Variants in DUSP29 observed in about 807,000 individuals in gnomAD.
DUSP29 encodes the protein dual specificity phosphatase 29.
Under a neutral mutation model 13.5 loss-of-function variants are expected in DUSP29, and 12 were observed. That is an observed-to-expected ratio of 0.89 (90% CI 0.57 to 1.44). The LOEUF is 1.44. Among genes scored for constraint, DUSP29 ranks in the 40% most tolerant of loss-of-function variants. The pLI, the probability that DUSP29 is intolerant of heterozygous loss-of-function variation, is 0.00. For missense variants in DUSP29, 308 were observed against 301.1 expected (o/e 1.02, Z -0.17); for synonymous variants, 134 against 128.7 (o/e 1.04, Z -0.28).
chr10:75,059,980 G>A (rs976689164), intron 1 of DUSP29, among the ~76,000 whole-genome samples: 1 of 151,204 alleles, frequency 6.6e-6, no homozygotes, highest in African/African-American at 2.4e-5. Flanking sequence ...CTAACATGGC[G>A]AAACCCCATC....
chr10:75,060,121 C>T (rs553645922), intron 1 of DUSP29, among the ~76,000 whole-genome samples: 2 of 151,874 alleles, frequency 1.3e-5, no homozygotes, highest in African/African-American at 4.8e-5. Context: ...GATCGCACCA[C>T]TGCACTCCAG....
intron 1 of DUSP29, among the ~76,000 whole-genome samples, chr10:75,066,381 C>T (rs1479420393): frequency 2.0e-5 from 3 of 152,004 alleles, no homozygotes; most frequent in Non-Finnish European, 4.4e-5. Context: ...TTCTCGGTGA[C>T]TCCAAGAAAT....
intron 2 of DUSP29, among the ~76,000 whole-genome samples, chr10:75,052,770 G>T (rs2134291575): frequency 6.6e-6 from 1 of 152,320 alleles, no homozygotes; most frequent in East Asian, 1.9e-4. Context: ...TTCAAGTTGA[G>T]GAAAAGGTAA....
chr10:75,051,068 T>C (rs189343707), intron 2 of DUSP29, among the ~76,000 whole-genome samples: 1 of 152,214 alleles, frequency 6.6e-6, no homozygotes, highest in African/African-American at 2.4e-5. Context: ...AACTTTGATA[T>C]GGCTGCCTTC....
At chr10:75,063,862 A>G (rs1847140580) in intron 1 of DUSP29, among the ~76,000 whole-genome samples, 1 of 152,184 alleles carries the variant, frequency 6.6e-6, no homozygotes, top group African/African-American at 2.4e-5. Flanking sequence ...TACAATTATT[A>G]TTTGTCAATT....
At chr10:75,070,862 C>T (rs1431529925) in intron 1 of DUSP29, among the ~76,000 whole-genome samples, 4 of 152,176 alleles carry the variant, frequency 2.6e-5, no homozygotes, top group South Asian at 2.1e-4. Context: ...TACTGTGGAA[C>T]GGGTAGGCCC....
chr10:75,042,867 T>C (rs1224347580), intron 3 of DUSP29, among the ~76,000 whole-genome samples: 2 of 152,238 alleles, frequency 1.3e-5, no homozygotes, highest in Admixed American at 1.3e-4. Flanking sequence ...GTGTGACACA[T>C]TGGGCTGAAG....
intron 1 of DUSP29, among the ~76,000 whole-genome samples, chr10:75,060,504 CG>C (rs547136478): frequency 1.3e-5 from 2 of 151,096 alleles, no homozygotes; most frequent in South Asian, 2.1e-4. Context: ...TTATTATGCA[CG>C]GTTGGAAGAT....
intron 2 of DUSP29, among the ~76,000 whole-genome samples, chr10:75,052,168 C>T (rs530826038): frequency 1.1e-4 from 16 of 152,266 alleles, no homozygotes; most frequent in South Asian, 6.2e-4. Flanking sequence ...AACTAGAACA[C>T]GTCAGTTCTG....
chr10:75,058,802 G>A lies in DUSP29; in HGVS notation c.-34-254C>T, dbSNP rs189248710. On this transcript the variant is annotated intron_variant, in intron 1 of 3. Transcript: ENST00000338487. ...GGGGTCCTTGGACGTGGGCCAAGGC[G>A]GGCTCTGGAGCTAAGAAATCCTGCA... is the stretch of plus-strand genomic sequence containing the variant. 3.2e-4 allele frequency among the ~76,000 whole-genome samples: 49 copies of A among 152,268 alleles called. No individual in the cohort carries two copies. In the East Asian group the frequency reaches 9.1e-3, roughly 28 times the overall value.
rs779231617 is a variant in DUSP29 at position 75,043,835 on chromosome 10, G to A, written c.383C>T (p.Ala128Val). ...TAGCGCTCTGTCGATGAAGGCTGCCGCCGGGTAGAAGAAGACACTGAGGTC... is the reference window on the plus strand; with the variant it reads ...TAGCGCTCTGTCGATGAAGGCTGCCACCGGGTAGAAGAAGACACTGAGGTC... ...TFDLSVFFYP[A>V]AAFIDRALSD... is the part of the protein sequence containing the mutation. The change falls in exon 3 of 4, where the codon GCG becomes GTG. Residue 128 changes from alanine to valine, a missense_variant. Coordinates refer to ENST00000338487, the MANE Select transcript of DUSP29 (RefSeq NM_001003892.3). 1.2e-6 allele frequency: 2 copies of A among 1,613,728 alleles called. No individual in the cohort carries two copies. The highest frequency in any genetic ancestry group is 2.7e-5 in the African/African-American group (2 of 74,914).
At chr10:75,045,545 AC>A in intron 2 of DUSP29, among the ~76,000 whole-genome samples, 1 of 152,216 alleles carries the variant, frequency 6.6e-6, no homozygotes, top group Non-Finnish European at 1.5e-5. Flanking sequence ...AGGAAAGGCC[AC>A]TGTGGGGAGG....
At chr10:75,044,054 G>C (rs1485068704) in intron 2 of DUSP29, 37 bp from the exon 3 acceptor site, 1 of 1,577,994 alleles carries the variant, frequency 6.3e-7, no homozygotes, top group East Asian at 2.3e-5. Flanking sequence ...GGCGCGCGGC[G>C]CCCTGCCCCG....
intron 1 of DUSP29, among the ~76,000 whole-genome samples, chr10:75,064,188 C>A (rs1341089458): frequency 1.3e-5 from 2 of 151,702 alleles, no homozygotes; most frequent in Non-Finnish European, 2.9e-5. Context: ...ACAGGTTGCA[C>A]CACCACACCT....
chr10:75,064,303 A>T (rs1847149399), intron 1 of DUSP29, among the ~76,000 whole-genome samples: 1 of 152,112 alleles, frequency 6.6e-6, no homozygotes. Flanking sequence ...GAGTCAAGAG[A>T]TCGAGACTAT....
intron 1 of DUSP29, among the ~76,000 whole-genome samples, chr10:75,073,088 C>T (rs773320105): frequency 9.2e-5 from 14 of 152,180 alleles, no homozygotes; most frequent in African/African-American, 3.1e-4. Context: ...GTCCAAATGA[C>T]GCTTTTGTGT....
At chr10:75,038,496 G>A (rs1846515981) in intron 3 of DUSP29, among the ~76,000 whole-genome samples, 1 of 152,098 alleles carries the variant, frequency 6.6e-6, no homozygotes, top group South Asian at 2.1e-4. Flanking sequence ...TCCACCCCTG[G>A]CATTCAAATC....
chr10:75,059,702 A>G (rs1275723576), intron 1 of DUSP29, among the ~76,000 whole-genome samples: 3 of 152,140 alleles, frequency 2.0e-5, no homozygotes, highest in Non-Finnish European at 4.4e-5. Flanking sequence ...GGGGATGCAG[A>G]GAATGTAGGA....
At chr10:75,072,999 C>G (rs1481075957) in intron 1 of DUSP29, among the ~76,000 whole-genome samples, 1 of 151,962 alleles carries the variant, frequency 6.6e-6, no homozygotes, top group African/African-American at 2.4e-5. Flanking sequence ...AGTCCCACCC[C>G]CCATCTCTAC....
Sources: allele counts gnomAD v4.1 joint callset (sites outside exome capture counted in the v4.1 genomes callset), GRCh38; gene constraint gnomAD v4.1.1; transcripts MANE v1.5; gene names NCBI Gene and HGNC (gene_info 2026-07-23, HGNC 2026-07-21).